Variants in NUP35 observed in about 807,000 individuals in gnomAD.
NUP35 encodes the protein nucleoporin NUP35.
NUP35 carries 25 observed loss-of-function variants against 41.5 expected under a neutral mutation model. The observed-to-expected ratio is 0.60, with a 90% CI of 0.44 to 0.84. NUP35 has a LOEUF of 0.84. Ranked by LOEUF, NUP35 falls within the 40% of genes least tolerant of loss-of-function variation. The probability of loss-of-function intolerance (pLI) is 0.00; values close to 1 mark genes in which losing one functional copy is unlikely to be tolerated. For missense variants in NUP35, 396 were observed against 396.6 expected, an observed-to-expected ratio of 1.00 and a Z score of 0.01; for synonymous variants, 149 against 130.7, an observed-to-expected ratio of 1.14 and a Z score of -0.96.
intron 4 of NUP35, among the ~76,000 whole-genome samples, chr2:183,142,889 G>GCTCA (rs1490245763): frequency 6.6e-6 from 1 of 151,354 alleles, no homozygotes; most frequent in African/African-American, 2.4e-5. Context: ...GGGCACGGTG[G>GCTCA]CTCACGCCTG....
rs1365544941 is a variant in NUP35 at position 183,137,705 on chromosome 2, A to G, written c.397+4082A>G. Among the ~76,000 whole-genome samples, 23 of 152,002 alleles carry G rather than the reference A, an allele frequency of 1.5e-4. 1 individual carries two copies. On this transcript the variant is annotated intron_variant, in intron 4 of 8. Coordinates refer to ENST00000295119, the MANE Select transcript of NUP35 (RefSeq NM_138285.5). ...CGCTATGGGAGGTCAAGGTGGGAAG[A>G]CCGCTTGAGCCGGGGAGTTTAAGGC...
intron 4 of NUP35, among the ~76,000 whole-genome samples, chr2:183,143,225 T>G (rs530859982): frequency 3.8e-4 from 57 of 151,348 alleles, no homozygotes; most frequent in African/African-American, 1.4e-3. Flanking sequence ...AGCAGTGAGG[T>G]TAATAGCAGT....
At chr2:183,120,347 G>C (rs1192640951), upstream of NUP35, among the ~76,000 whole-genome samples, 1 of 151,650 alleles carries the variant, frequency 6.6e-6, no homozygotes, top group Non-Finnish European at 1.5e-5. Flanking sequence ...TCGGGAGCCT[G>C]AGGCAGGAGA....
chr2:183,137,538 A>G (rs1684919483), intron 4 of NUP35, among the ~76,000 whole-genome samples: 1 of 152,202 alleles, frequency 6.6e-6, no homozygotes, highest in Admixed American at 6.5e-5. Flanking sequence ...GTGAACAGTG[A>G]TCACACCACT....
At chr2:183,143,280 G>C (rs1191765171) in intron 4 of NUP35, among the ~76,000 whole-genome samples, 2 of 123,064 alleles carry the variant, frequency 1.6e-5, no homozygotes. Flanking sequence ...CTAGTTCTTG[G>C]TATTTTTTTT....
At chr2:183,158,612 TC>T (rs1442222978) in intron 7 of NUP35, among the ~76,000 whole-genome samples, 1 of 152,146 alleles carries the variant, frequency 6.6e-6, no homozygotes, top group African/African-American at 2.4e-5. Flanking sequence ...TAATCTGTCC[TC>T]ACCTCTTCAT....
intron 4 of NUP35, among the ~76,000 whole-genome samples, 168 bp from the exon 5 acceptor site, chr2:183,151,340 C>G (rs1685462478): frequency 6.6e-6 from 1 of 152,192 alleles, no homozygotes; most frequent in African/African-American, 2.4e-5. Context: ...ATTACTTCCT[C>G]TAATTGTATG....
At chr2:183,136,205 A>T (rs1684869862) in intron 4 of NUP35, among the ~76,000 whole-genome samples, 1 of 152,236 alleles carries the variant, frequency 6.6e-6, no homozygotes, top group Admixed American at 6.5e-5. Flanking sequence ...GGGTGTTAAC[A>T]GCAGCACCTG....
At chr2:183,127,924 A>G (rs549774688) in intron 1 of NUP35, among the ~76,000 whole-genome samples, 2 of 152,152 alleles carry the variant, frequency 1.3e-5, no homozygotes, top group African/African-American at 4.8e-5. Context: ...AAATACAAAA[A>G]TTAGCTGGGC....
intron 4 of NUP35, among the ~76,000 whole-genome samples, chr2:183,138,144 A>G (rs1324625124): frequency 1.3e-5 from 2 of 151,378 alleles, no homozygotes; most frequent in African/African-American, 4.9e-5. Context: ...AAAAGATGAC[A>G]AGGTGTGGAG....
rs563850686 is a variant in NUP35 at position 183,135,436 on chromosome 2, G to C, written c.397+1813G>C. On this transcript the variant is annotated intron_variant, in intron 4 of 8. Coordinates refer to ENST00000295119, the MANE Select transcript of NUP35 (RefSeq NM_138285.5). ...TAGTGGAAAATGAGGTCAGAGAGGA[G>C]AGGTAATGGGGGCAGATGTATTACA... Among the ~76,000 whole-genome samples, 14 of 152,260 alleles carry C rather than the reference G, an allele frequency of 9.2e-5. No individual in the cohort carries two copies. In the South Asian group the frequency reaches 2.7e-3, roughly 29 times the overall value.
At chr2:183,151,932 G>GT (rs1308356249) in intron 5 of NUP35, among the ~76,000 whole-genome samples, 4 of 152,050 alleles carry the variant, frequency 2.6e-5, no homozygotes, top group Admixed American at 2.0e-4. Context: ...TTTGTTTGTA[G>GT]TTTTTTAAAT....
At chr2:183,143,475 C>T (rs751198291) in intron 4 of NUP35, among the ~76,000 whole-genome samples, 2 of 152,136 alleles carry the variant, frequency 1.3e-5, no homozygotes, top group South Asian at 4.1e-4. Context: ...TAATACTCAG[C>T]CTTATGCCTA....
chr2:183,141,671 A>G (rs1454709340), intron 4 of NUP35, among the ~76,000 whole-genome samples: 1 of 152,072 alleles, frequency 6.6e-6, no homozygotes, highest in Non-Finnish European at 1.5e-5. Context: ...CTAATTTTCT[A>G]TGTGCCGTTT....
At chr2:183,129,580 G>T (rs917523723) in intron 2 of NUP35, among the ~76,000 whole-genome samples, 1 of 152,166 alleles carries the variant, frequency 6.6e-6, no homozygotes, top group Non-Finnish European at 1.5e-5. Context: ...AACGTATATT[G>T]ATTGCTTATG....
chr2:183,126,794 C>A (rs1176414536), intron 1 of NUP35, among the ~76,000 whole-genome samples: 4 of 152,166 alleles, frequency 2.6e-5, no homozygotes, highest in African/African-American at 7.2e-5. Context: ...TAATAAAAAA[C>A]CATACAAATA....
chr2:183,134,799 T>C (rs1400856093), intron 4 of NUP35, among the ~76,000 whole-genome samples: 1 of 150,450 alleles, frequency 6.6e-6, no homozygotes, highest in Non-Finnish European at 1.5e-5. Context: ...TTTTTTTTTG[T>C]ATTTTTGGTA....
chr2:183,160,622 GCCCA>G (rs1685838387), intron 8 of NUP35: 1 of 151,858 alleles, frequency 6.6e-6, no homozygotes, highest in Non-Finnish European at 1.5e-5. Context: ...CAAGTAATCT[GCCCA>G]CCTTGGCCTC....
chr2:183,143,155 C>CA (rs71407011), intron 4 of NUP35, among the ~76,000 whole-genome samples: 30,846 of 121,604 alleles, frequency 0.25, 3,955 homozygotes, highest in African/African-American at 0.33. Context: ...GACTCCATCT[C>CA]AAAAAAAAAA....
Sources: gnomAD v4.1 joint callset for allele counts (sites outside exome capture counted in the v4.1 genomes callset) on GRCh38, gnomAD v4.1.1 for gene constraint, MANE v1.5 for transcripts, NCBI Gene and HGNC (gene_info 2026-07-23, HGNC 2026-07-21) for gene names.